LRIG2: variants seen among roughly 807,000 people sequenced by gnomAD.
LRIG2 encodes leucine rich repeats and immunoglobulin like domains 2.
A neutral mutation model predicts 107.8 loss-of-function variants in LRIG2; 93 were observed. That is an observed-to-expected ratio of 0.86 (90% CI 0.73 to 1.03). The LOEUF (loss-of-function observed/expected upper bound fraction) is 1.03. Ranked by LOEUF, LRIG2 falls within the 50% of genes least tolerant of loss-of-function variation. LRIG2 has a pLI of 0.00. For missense variants in LRIG2, 1,226 were observed against 1,296.0 expected (o/e 0.95, Z 0.83); for synonymous variants, 471 against 470.6 (o/e 1.00, Z -0.01).
At chr1:113,108,187 A>G (rs1367246818) in intron 12 of LRIG2, among the ~76,000 whole-genome samples, 1 of 151,462 alleles carries the variant, frequency 6.6e-6, no homozygotes, top group Non-Finnish European at 1.5e-5. Context: ...AGTCATAGAC[A>G]AGTTGTCCTG....
chr1:113,100,062 G>A lies in LRIG2; in HGVS notation c.1173-149G>A, dbSNP rs150110581. The stretch of plus-strand genomic sequence containing the variant: ...AAATTGTACACATTAAATATGTGTA[G>A]TTTTTAGTATATCAATTGTACCTCA... On this transcript the variant is annotated intron_variant, in intron 9 of 17. Transcript: ENST00000361127. 3.3e-3 allele frequency: 1,574 copies of A among 476,398 alleles called. 45 individuals carry two copies. The Admixed American group carries it at 0.051, about 15-fold the overall frequency. The allele number at this position is 476,398 out of a possible 1,614,324, so 29.5% of individuals were successfully genotyped here.
chr1:113,111,202 A>G (rs894940033), intron 13 of LRIG2, among the ~76,000 whole-genome samples: 6 of 152,104 alleles, frequency 3.9e-5, no homozygotes, highest in Non-Finnish European at 8.8e-5. Flanking sequence ...GGCCCATCTA[A>G]TTTTTGTATT....
intron 17 of LRIG2, among the ~76,000 whole-genome samples, chr1:113,123,337 G>A (rs985473225): frequency 6.6e-6 from 1 of 152,202 alleles, no homozygotes; most frequent in Admixed American, 6.5e-5. Flanking sequence ...CACTTTGGGA[G>A]GCTGAAGCAG....
chr1:113,119,567 T>TA (rs1443724128), intron 17 of LRIG2, 44 bp downstream of exon 17: 2 of 1,568,366 alleles, frequency 1.3e-6, no homozygotes, highest in African/African-American at 1.4e-5. Context: ...TACTTTCGTC[T>TA]AATTGACTCT....
chr1:113,095,095 T>C (rs1216805), intron 6 of LRIG2, among the ~76,000 whole-genome samples: 138,552 of 151,478 alleles, frequency 0.91, 64,225 homozygotes, highest in Non-Finnish European at 0.98. Context: ...GTCTCAGCCT[T>C]CTGAGTAGCT....
At position 113,100,244 on chromosome 1, in the gene LRIG2, A is replaced by G. The variant is rs767299179; in HGVS notation, c.1206A>G (p.Thr402=). 1 of 1,589,790 alleles carries G rather than the reference A, an allele frequency of 6.3e-7. No individual in the cohort carries two copies. Among genetic ancestry groups the G allele is most frequent in the Non-Finnish European group, 8.6e-7 (1 of 1,162,428 alleles). ...AAGGAAACCAGATTAAGTCAATTAC[A>G]AAGAAAGCATTCATTGGTCTTGAAT... is the stretch of plus-strand genomic sequence containing the variant. ...ILQGNQIKSI[T]KKAFIGLESL... is the part of the protein sequence containing the mutation. Residue 402 remains threonine, a synonymous_variant, in exon 10 of 18, where the codon ACA becomes ACG. Coordinates refer to ENST00000361127, the MANE Select transcript of LRIG2 (RefSeq NM_014813.3).
intron 17 of LRIG2, among the ~76,000 whole-genome samples, chr1:113,121,301 T>G (rs894594852): frequency 6.6e-6 from 1 of 152,226 alleles, no homozygotes; most frequent in African/African-American, 2.4e-5. Context: ...TTGTATAGAT[T>G]AGGCATTTGA....
Position 113,119,216 on chromosome 1 carries a change from C to A in LRIG2, c.2681-17C>A, listed in dbSNP as rs773489321. ...TCCTTAACAGAAAGATATTTAGATT[C>A]TTTTTCTTGTTATTAGGTGGCACTG... On this transcript the variant is annotated splice_polypyrimidine_tract_variant and intron_variant, in intron 16 of 17. Transcript: ENST00000361127. The A allele has an allele frequency of 6.3e-7, 1 of 1,594,056 alleles. No individual in the cohort carries two copies. The highest frequency in any genetic ancestry group is 1.3e-5 in the African/African-American group (1 of 74,218).
At chr1:113,123,595 T>C (rs1331956815) in intron 17 of LRIG2, among the ~76,000 whole-genome samples, 1 of 151,902 alleles carries the variant, frequency 6.6e-6, no homozygotes, top group African/African-American at 2.4e-5. Flanking sequence ...ATAAATAAAA[T>C]AAAAAATTTT....
intron 11 of LRIG2, chr1:113,103,782 G>A (rs1481238018): frequency 6.6e-6 from 1 of 152,208 alleles, no homozygotes; most frequent in Non-Finnish European, 1.5e-5. Context: ...ATCTGTTGAA[G>A]CTGGTAAGGA....
chr1:113,122,996 A>C (rs1048066479), intron 17 of LRIG2, among the ~76,000 whole-genome samples: 5 of 152,254 alleles, frequency 3.3e-5, no homozygotes, highest in African/African-American at 1.2e-4. Context: ...TTGGGAAAAT[A>C]GTTCACCATT....
rs1654464054 is a variant in LRIG2, at chr1:113,104,824, C to G, written c.1314-2770C>G. Among the ~76,000 whole-genome samples the G allele has an allele frequency of 2.6e-5, 4 of 152,136 alleles. No individual in the cohort carries two copies. In the South Asian group the frequency reaches 8.3e-4, roughly 31 times the overall value. On this transcript the variant is annotated intron_variant, in intron 11 of 17. Transcript: ENST00000361127. ...GTGATACTGAATGCCTCCAAAATCT[C>G]AGTTTCCATTTCTAGAAAATGGAAT... is the stretch of plus-strand genomic sequence containing the variant.
At position 113,127,315 on chromosome 1, in the gene LRIG2, G is replaced by T. The variant is rs1412212944; in HGVS notation, c.*3214G>T. 1.3e-5 allele frequency: 2 copies of T among 151,102 alleles called. No homozygotes were observed. Among genetic ancestry groups the T allele is most frequent in the African/African-American group, 4.9e-5 (2 of 40,990 alleles). 9.4% of individuals were successfully genotyped at this position (151,102 alleles called of 1,614,324 possible). A position where few individuals can be genotyped will look rare whatever the true frequency, so the allele number is the denominator to read the frequency against. On this transcript the variant is annotated 3_prime_UTR_variant, in exon 18 of 18. Transcript: ENST00000361127. Reference sequence around the variant, plus strand: ...GCTTACTGCAACCTCCGCCTCCCAGGTTCAAGCAATTCTCTTGCCTCAGCC... The same window carrying T: ...GCTTACTGCAACCTCCGCCTCCCAGTTTCAAGCAATTCTCTTGCCTCAGCC...
At chr1:113,075,220 AAAAG>A (rs1039142461) in intron 1 of LRIG2, among the ~76,000 whole-genome samples, 2 of 152,160 alleles carry the variant, frequency 1.3e-5, no homozygotes, top group African/African-American at 4.8e-5. Flanking sequence ...CTCAAAAAAA[AAAAG>A]AGTCATCACT....
Position 113,073,495 on chromosome 1 carries a change from C to A in LRIG2, c.89C>A (p.Thr30Asn). The A allele has an allele frequency of 6.2e-7, 1 of 1,614,188 alleles. No homozygotes were observed. The highest frequency in any genetic ancestry group is 8.5e-7 in the Non-Finnish European group (1 of 1,180,024). Residue 30 changes from threonine (T) to asparagine (N), a missense_variant, in exon 1 of 18, where the codon ACC becomes AAC. Physicochemically the swap from Thr to Asn is moderately conservative, Grantham distance 65 (BLOSUM62 0). Transcript: ENST00000361127. ...TCTCGGTTACTCTTCATTGCCCAGA[C>A]CGCTCTCCTCCTGTTGCCCGCCGCC... ...VLSRLLFIAQ[T>N]ALLLLPAAGA...
chr1:113,085,777 AAAGTT>A (rs2101024498), intron 1 of LRIG2, among the ~76,000 whole-genome samples: 2 of 152,320 alleles, frequency 1.3e-5, no homozygotes, highest in African/African-American at 4.8e-5. Context: ...AATTTTGTAA[AAAGTT>A]AAGTAGCCTG....
chr1:113,126,375 C>G lies in LRIG2; in HGVS notation c.*2274C>G. On this transcript the variant is annotated 3_prime_UTR_variant, in exon 18 of 18. Transcript: ENST00000361127. The stretch of plus-strand genomic sequence containing the variant: ...GCTCCTGCTTCTCAGTCTTCTCTGA[C>G]CTCTGGTAAGTGGAACTTTCATTAA... The G allele has an allele frequency of 5.8e-6, 1 of 172,304 alleles. No homozygotes were observed. The highest frequency in any genetic ancestry group is 1.4e-4 in the East Asian group (1 of 7,336). The allele number at this position is 172,304 out of a possible 1,614,324, so 10.7% of individuals were successfully genotyped here.
At chr1:113,081,491 A>C (rs1362704805) in intron 1 of LRIG2, among the ~76,000 whole-genome samples, 1 of 151,662 alleles carries the variant, frequency 6.6e-6, no homozygotes. Context: ...TACCCAGCTA[A>C]TTTTTGTATT....
intron 1 of LRIG2, among the ~76,000 whole-genome samples, chr1:113,085,853 T>C (rs1007003391): frequency 2.0e-5 from 3 of 152,110 alleles, no homozygotes; most frequent in African/African-American, 7.2e-5. Context: ...AGCTGTTAGT[T>C]GTAGAGGGAA....
Sources: gnomAD v4.1 joint callset for allele counts (sites outside exome capture counted in the v4.1 genomes callset) on GRCh38, gnomAD v4.1.1 for gene constraint, MANE v1.5 for transcripts, NCBI Gene and HGNC (gene_info 2026-07-23, HGNC 2026-07-21) for gene names.